TBC1D30: variants seen among roughly 807,000 people sequenced by gnomAD.
TBC1D30 encodes TBC1 domain family, member 30.
A neutral mutation model predicts 63.2 loss-of-function variants in TBC1D30; 31 were observed. The ratio of observed to expected loss-of-function variants is 0.49; its 90% CI spans 0.37 to 0.66. TBC1D30 has a LOEUF of 0.66. Among genes scored for constraint, TBC1D30 ranks in the 30% least tolerant of loss-of-function variants. The pLI is 0.00. For synonymous variants in TBC1D30, 307 were observed against 361.5 expected, an observed-to-expected ratio of 0.85 and a Z score of 1.71; for missense variants, 810 against 953.6, an observed-to-expected ratio of 0.85 and a Z score of 1.98.
Position 64,838,698 on chromosome 12 carries a change from C to T in TBC1D30, c.779C>T (p.Pro260Leu). 1 of 1,536,538 alleles carries T rather than the reference C, an allele frequency of 6.5e-7. No individual in the cohort carries two copies. The highest frequency in any genetic ancestry group is 8.7e-7 in the Non-Finnish European group (1 of 1,147,006). ...TTTATTTCAGGTGGATATGAGCCCC[C>T]ACTTACAAATGTCTTCACGATGCAG... ...NKESGGGYEP[P>L]LTNVFTMQWF... is the part of the protein sequence containing the mutation. Residue 260 changes from proline to leucine, a missense_variant, in exon 7 of 12, where the codon CCA becomes CTA. Around this residue, in one of 4 missense-constraint regions of TBC1D30, gnomAD observed 272 missense variants for 335.9 expected, o/e 0.81. Transcript: ENST00000539867.
At chr12:64,796,073 T>C (rs1404705291) in intron 2 of TBC1D30, among the ~76,000 whole-genome samples, 1 of 152,120 alleles carries the variant, frequency 6.6e-6, no homozygotes, top group Admixed American at 6.6e-5. Context: ...TGATTGAGCT[T>C]GCATACAGCA....
At chr12:64,844,107 G>T (rs973396472) in intron 8 of TBC1D30, among the ~76,000 whole-genome samples, 7 of 152,048 alleles carry the variant, frequency 4.6e-5, no homozygotes, top group Non-Finnish European at 8.8e-5. Context: ...TTAGACTTGT[G>T]GGGGGAAACA....
At position 64,824,982 on chromosome 12, in the gene TBC1D30, C is replaced by T; in HGVS notation, c.103C>T (p.Arg35Cys). 1.3e-6 allele frequency: 2 copies of T among 1,534,620 alleles called. No individual in the cohort carries two copies. The highest frequency in any genetic ancestry group is 1.7e-6 in the Non-Finnish European group (2 of 1,146,520). The change falls in exon 1 of 12, where the codon CGC becomes TGC. Residue 35 changes from arginine (R) to cysteine (C), a missense_variant. By Grantham distance (180) the Arg-to-Cys change is radical. Transcript: ENST00000539867. ...CATCCTGAGCAATGTGCTCAAGAAG[C>T]GCAGCTGCATTTCCCGGACCGCGCC... The part of the protein sequence containing the change: ...GTILSNVLKK[R>C]SCISRTAPRL...
chr12:64,875,571 A>C lies in TBC1D30; in HGVS notation c.2069A>C (p.Glu690Ala), dbSNP rs568324238. Reference protein sequence around the residue: ...RHCPEPPSAPEENKATSKAPQ... With the variant: ...RHCPEPPSAPAENKATSKAPQ... Reference sequence around the variant, plus strand: ...TGCCCAGAGCCGCCGAGTGCACCCGAAGAAAACAAAGCCACCAGCAAAGCT... The same window carrying C: ...TGCCCAGAGCCGCCGAGTGCACCCGCAGAAAACAAAGCCACCAGCAAAGCT... The change falls in exon 12 of 12, where the codon GAA (glutamate) becomes GCA (alanine). Residue 690 changes from glutamate to alanine, a missense_variant. This residue lies in a region of TBC1D30 where 450 missense variants were observed against 473.0 expected (regional missense o/e 0.95). Transcript: ENST00000539867. 6.3e-4 allele frequency: 961 copies of C among 1,536,072 alleles called. No homozygotes were observed. Among genetic ancestry groups the C allele is most frequent in the Non-Finnish European group, 7.4e-4 (850 of 1,146,920 alleles).
rs556675618 is a variant in TBC1D30, at chr12:64,833,305, A to G, written c.594+1001A>G. On this transcript the variant is annotated intron_variant, in intron 5 of 11. Coordinates refer to ENST00000539867, the MANE Select transcript of TBC1D30 (RefSeq NM_015279.2). ...AAACAAATTTTAAAAACATGTTGAG[A>G]TGGGGCACTAGTGATTTAAGCTTAG... is the stretch of plus-strand genomic sequence containing the variant. 1.1e-4 allele frequency among the ~76,000 whole-genome samples: 17 copies of G among 152,212 alleles called. No homozygotes were observed. The South Asian group carries it at 3.5e-3, about 32-fold the overall frequency.
At chr12:64,873,467 A>G (rs1278526827) in intron 11 of TBC1D30, among the ~76,000 whole-genome samples, 3 of 152,150 alleles carry the variant, frequency 2.0e-5, no homozygotes, top group African/African-American at 7.2e-5. Context: ...AATGTGTGAC[A>G]AAGAGACAGG....
upstream of TBC1D30, among the ~76,000 whole-genome samples, chr12:64,779,505 A>T (rs1871171310): frequency 6.6e-6 from 1 of 152,104 alleles, no homozygotes; most frequent in Non-Finnish European, 1.5e-5. Context: ...AGTTTCAAAA[A>T]GGGCCCTTTT....
At chr12:64,765,489 CCAAAAAAA>C (rs1229135086) in intron 1 of TBC1D30, among the ~76,000 whole-genome samples, 1 of 9,594 alleles carries the variant, frequency 1.0e-4, no homozygotes, top group African/African-American at 5.5e-4. Flanking sequence ...AAGACTGTCT[CCAAAAAAA>C]AAAAAAAAAA....
At chr12:64,762,866 C>T (rs1021783464) in intron 1 of TBC1D30, among the ~76,000 whole-genome samples, 1 of 151,892 alleles carries the variant, frequency 6.6e-6, no homozygotes, top group East Asian at 1.9e-4. Context: ...TATTTTTCAC[C>T]TCAGTTCATT....
At chr12:64,792,885 T>C (rs1872010391) in intron 2 of TBC1D30, among the ~76,000 whole-genome samples, 2 of 152,112 alleles carry the variant, frequency 1.3e-5, no homozygotes, top group Admixed American at 1.3e-4. Flanking sequence ...AGGCTAGTTA[T>C]GGAATAATCA....
chr12:64,874,687 C>T (rs1278650305), intron 11 of TBC1D30, among the ~76,000 whole-genome samples: 1 of 152,038 alleles, frequency 6.6e-6, no homozygotes, highest in South Asian at 2.1e-4. Context: ...GGTTGCTACT[C>T]AGAGCCAAGA....
At chr12:64,827,995 G>A (rs1245297141) in intron 2 of TBC1D30, 99 bp downstream of exon 2, 2 of 791,948 alleles carry the variant, frequency 2.5e-6, no homozygotes, top group Non-Finnish European at 4.0e-6. Flanking sequence ...TGATATGAAT[G>A]TGAAGATGAG....
chr12:64,816,729 C>A (rs1873561166), intron 2 of TBC1D30, among the ~76,000 whole-genome samples: 1 of 152,174 alleles, frequency 6.6e-6, no homozygotes, highest in South Asian at 2.1e-4. Context: ...ATAGTCACAG[C>A]ATTCTTTTGT....
chr12:64,830,477 A>G lies in TBC1D30; in HGVS notation c.383A>G (p.Asp128Gly). 6.5e-7 allele frequency: 1 copy of G among 1,533,870 alleles called. No individual in the cohort carries two copies. The change falls in exon 4 of 12, where the codon GAC becomes GGC. Residue 128 changes from aspartate to glycine, a missense_variant. By Grantham distance (94) the Asp-to-Gly change is moderately conservative (BLOSUM62 -1). Around this residue, in one of 4 missense-constraint regions of TBC1D30, gnomAD observed 272 missense variants for 335.9 expected, o/e 0.81. Coordinates refer to ENST00000539867, the MANE Select transcript of TBC1D30 (RefSeq NM_015279.2). ...TFNERSNPDD[D>G]SMGIQIVKDL... ...AATGAAAGGAGTAATCCTGATGATGACTCCATGGGAATTCAGATAGTCAAG... is the reference window on the plus strand; with the variant it reads ...AATGAAAGGAGTAATCCTGATGATGGCTCCATGGGAATTCAGATAGTCAAG...
intron 1 of TBC1D30, among the ~76,000 whole-genome samples, chr12:64,763,945 T>C (rs1020137291): frequency 6.6e-6 from 1 of 152,188 alleles, no homozygotes; most frequent in Non-Finnish European, 1.5e-5. Context: ...AAGCTGTTTT[T>C]TAAAGAGCAT....
At chr12:64,854,498 CTTT>C (rs71278243) in intron 8 of TBC1D30, among the ~76,000 whole-genome samples, 1 of 138,816 alleles carries the variant, frequency 7.2e-6, no homozygotes, top group Non-Finnish European at 1.6e-5. Flanking sequence ...CTTTTTCTTT[CTTT>C]TTTTTTTTTT....
At chr12:64,873,384 G>A (rs1180580940) in intron 11 of TBC1D30, among the ~76,000 whole-genome samples, 1 of 152,122 alleles carries the variant, frequency 6.6e-6, no homozygotes, top group South Asian at 2.1e-4. Context: ...GAAATGGGAG[G>A]TCATGAATTT....
intron 1 of TBC1D30, among the ~76,000 whole-genome samples, chr12:64,766,508 A>T (rs1870719792): frequency 6.6e-6 from 1 of 152,186 alleles, no homozygotes; most frequent in African/African-American, 2.4e-5. Flanking sequence ...TATAACAATT[A>T]TAAATATATA....
At chr12:64,845,480 G>T (rs1265008057) in intron 8 of TBC1D30, among the ~76,000 whole-genome samples, 2 of 151,974 alleles carry the variant, frequency 1.3e-5, no homozygotes, top group African/African-American at 4.8e-5. Flanking sequence ...TAATCCCAGC[G>T]CTTTGGGAGG....
Sources: allele counts gnomAD v4.1 joint callset (sites outside exome capture counted in the v4.1 genomes callset), GRCh38; gene constraint gnomAD v4.1.1; regional missense constraint gnomAD v4.1.1; transcripts MANE v1.5; gene names NCBI Gene and HGNC (gene_info 2026-07-23, HGNC 2026-07-21).